The following SLCO6A1 variants were observed in gnomAD, a reference collection of about 807,000 sequenced individuals.
SLCO6A1 encodes the protein solute carrier organic anion transporter family member 6A1.
SLCO6A1 carries 65 observed loss-of-function variants against 72.7 expected under a neutral mutation model. The observed-to-expected ratio is 0.89, with a 90% CI of 0.73 to 1.10. The LOEUF (loss-of-function observed/expected upper bound fraction) is 1.10. Ranked by LOEUF, SLCO6A1 falls within the 50% of genes least tolerant of loss-of-function variation. The probability of loss-of-function intolerance (pLI) is 0.00; values close to 1 mark genes in which losing one functional copy is unlikely to be tolerated. For missense variants in SLCO6A1, 874 were observed against 872.6 expected (o/e 1.00, Z -0.02); for synonymous variants, 314 against 298.2 (o/e 1.05, Z -0.55).
In SLCO6A1 at chr5:102,487,516, C is replaced by T. The variant is rs6885083; in HGVS notation, c.359-7082G>A. 3.8e-3 allele frequency among the ~76,000 whole-genome samples: 584 copies of T among 152,292 alleles called. 3 individuals are homozygous for T. The highest frequency in any genetic ancestry group is 0.014 in the African/African-American group (562 of 41,552). On this transcript the variant is annotated intron_variant, in intron 1 of 13. Coordinates refer to ENST00000506729, the MANE Select transcript of SLCO6A1 (RefSeq NM_173488.5). ...GCACTCTGTGACTTTACTCTTCGGC[C>T]ACTGTTTCCTACAGATACTTTAAGT... is the stretch of plus-strand genomic sequence containing the variant.
chr5:102,459,796 A>G lies in SLCO6A1; in HGVS notation c.900-19T>C, dbSNP rs760726756. 8.4e-5 allele frequency: 112 copies of G among 1,326,822 alleles called. No homozygotes were observed. Among genetic ancestry groups the G allele is most frequent in the Non-Finnish European group, 1.0e-4 (101 of 1,002,634 alleles). The allele number at this position is 1,326,822 out of a possible 1,614,324, so 82.2% of individuals were successfully genotyped here. ...TGTAGTGCTTTAATAAAGAAAAGTG[A>G]AAAAAAAAAGCAACTTTAGGTATTT... On this transcript the variant is annotated intron_variant, in intron 4 of 13. Coordinates refer to ENST00000506729, the MANE Select transcript of SLCO6A1 (RefSeq NM_173488.5).
chr5:102,390,948 T>C lies in SLCO6A1; in HGVS notation c.1879+33A>G, dbSNP rs773591132. The C allele has an allele frequency of 3.8e-6, 6 of 1,592,694 alleles. No homozygotes were observed. The African/African-American group carries it at 4.0e-5, about 11-fold the overall frequency. On this transcript the variant is annotated intron_variant, in intron 11 of 13. Coordinates refer to ENST00000506729, the MANE Select transcript of SLCO6A1 (RefSeq NM_173488.5). Reference sequence around the variant, plus strand: ...ACATATATACATATCAAAAAACATTTTGATGTAATAAGAGATTGCCAAAAA... The same window carrying C: ...ACATATATACATATCAAAAAACATTCTGATGTAATAAGAGATTGCCAAAAA...
chr5:102,414,521 A>G (rs1469593434), intron 8 of SLCO6A1, among the ~76,000 whole-genome samples: 1 of 152,232 alleles, frequency 6.6e-6, no homozygotes, highest in Non-Finnish European at 1.5e-5. Context: ...GATTTGATAA[A>G]TGAATCCAGT....
At chr5:102,392,319 A>G (rs1285810197) in intron 10 of SLCO6A1, among the ~76,000 whole-genome samples, 3 of 151,904 alleles carry the variant, frequency 2.0e-5, no homozygotes, top group African/African-American at 7.3e-5. Context: ...CATTATGAGC[A>G]GATTCACTAA....
At chr5:102,385,826 C>CTTTTTTTTTTTTTTTTTTTTTTTTT (rs57983218) in intron 12 of SLCO6A1, among the ~76,000 whole-genome samples, 1 of 121,216 alleles carries the variant, frequency 8.2e-6, no homozygotes. Context: ...CCTGTTTTTC[C>CTTTTTTTTTTTTTTTTTTTTTTTTT]TTTTTTTTTT....
At chr5:102,429,981 T>G (rs1267003512) in intron 7 of SLCO6A1, among the ~76,000 whole-genome samples, 3 of 152,202 alleles carry the variant, frequency 2.0e-5, no homozygotes, top group African/African-American at 7.2e-5. Context: ...CTTATTTCTT[T>G]GAGCAGTGTT....
chr5:102,421,831 C>T (rs1748624625), intron 7 of SLCO6A1, among the ~76,000 whole-genome samples: 1 of 152,240 alleles, frequency 6.6e-6, no homozygotes, highest in Non-Finnish European at 1.5e-5. Flanking sequence ...GACTGGAAGA[C>T]ACCTCCCAGC....
chr5:102,387,338 T>A (rs541205101), intron 12 of SLCO6A1, among the ~76,000 whole-genome samples: 1 of 152,332 alleles, frequency 6.6e-6, no homozygotes, highest in Admixed American at 6.5e-5. Flanking sequence ...TTTTAATTAT[T>A]CGTATCTCCT....
intron 4 of SLCO6A1, among the ~76,000 whole-genome samples, chr5:102,466,248 C>G (rs1249726500): frequency 6.6e-6 from 1 of 152,030 alleles, no homozygotes; most frequent in African/African-American, 2.4e-5. Flanking sequence ...CATCATTTAG[C>G]TCCCATTTAT....
chr5:102,468,966 T>C (rs144422959), intron 4 of SLCO6A1, among the ~76,000 whole-genome samples: 3,040 of 152,226 alleles, frequency 0.02, 77 homozygotes, highest in Admixed American at 0.077. Context: ...GATCAGATGG[T>C]TGTAGATGTG....
In SLCO6A1 at chr5:102,475,690, G is replaced by A. The variant is rs754290266; in HGVS notation, c.899+7C>T. On this transcript the variant is annotated splice_region_variant and intron_variant, in intron 4 of 13. Transcript: ENST00000506729. ...TGTAAACAAAAAAAGAAAAAATAAT[G>A]CCTTACTTTGTTGCAGAAGTAGTAT... The A allele has an allele frequency of 1.3e-6, 2 of 1,583,286 alleles. No homozygotes were observed. The highest frequency in any genetic ancestry group is 1.2e-5 in the South Asian group (1 of 85,082).
At chr5:102,463,905 A>G (rs1006226517) in intron 4 of SLCO6A1, among the ~76,000 whole-genome samples, 7 of 151,862 alleles carry the variant, frequency 4.6e-5, no homozygotes, top group African/African-American at 1.2e-4. Context: ...AGAAAAAAAA[A>G]AAAAAACAGG....
intron 6 of SLCO6A1, among the ~76,000 whole-genome samples, chr5:102,451,993 T>G (rs1005704078): frequency 2.0e-5 from 3 of 152,250 alleles, no homozygotes; most frequent in Admixed American, 2.0e-4. Flanking sequence ...TAACTACCAA[T>G]AGGAAGATGA....
At chr5:102,447,284 T>C (rs1431474219) in intron 6 of SLCO6A1, among the ~76,000 whole-genome samples, 4 of 152,202 alleles carry the variant, frequency 2.6e-5, no homozygotes, top group African/African-American at 4.8e-5. Flanking sequence ...TTTTTGAGAA[T>C]GTTTGCATTT....
chr5:102,383,218 T>C (rs1746223739), intron 12 of SLCO6A1, among the ~76,000 whole-genome samples: 1 of 151,064 alleles, frequency 6.6e-6, no homozygotes, highest in Admixed American at 6.6e-5. Flanking sequence ...TTGTTCTGTT[T>C]AGGACTTCCC....
At chr5:102,463,077 A>G (rs1049712219) in intron 4 of SLCO6A1, among the ~76,000 whole-genome samples, 1 of 152,152 alleles carries the variant, frequency 6.6e-6, no homozygotes, top group African/African-American at 2.4e-5. Context: ...AATCAGTAAG[A>G]AAAAAACAAT....
intron 8 of SLCO6A1, among the ~76,000 whole-genome samples, chr5:102,417,016 C>A (rs761055216): frequency 1.3e-5 from 2 of 152,156 alleles, no homozygotes; most frequent in Non-Finnish European, 2.9e-5. Context: ...GCAGTGTACA[C>A]ATTTTTGCTC....
In SLCO6A1 at chr5:102,398,463, C is replaced by T. The variant is rs544587080; in HGVS notation, c.1814+1092G>A. Among the ~76,000 whole-genome samples, 27 of 152,262 alleles carry T rather than the reference C, an allele frequency of 1.8e-4. 1 individual carries two copies. In the South Asian group the frequency reaches 3.5e-3, roughly 20 times the overall value. On this transcript the variant is annotated intron_variant, in intron 10 of 13. Transcript: ENST00000506729. ...AAAGTGCTGGGATTATAGGAGTGAG[C>T]CACCGCGCCTGGCCACCACTACTAA... is the stretch of plus-strand genomic sequence containing the variant.
intron 1 of SLCO6A1, among the ~76,000 whole-genome samples, chr5:102,480,788 C>T (rs1419537558): frequency 6.6e-6 from 1 of 151,900 alleles, no homozygotes; most frequent in South Asian, 2.1e-4. Context: ...ATTTATCTAC[C>T]ATATAGAATA....
Sources: allele counts gnomAD v4.1 joint callset (sites outside exome capture counted in the v4.1 genomes callset), GRCh38; gene constraint gnomAD v4.1.1; transcripts MANE v1.5; gene names NCBI Gene and HGNC (gene_info 2026-07-23, HGNC 2026-07-21).